Variants in ARHGEF18 observed in about 807,000 individuals in gnomAD.
The protein encoded by ARHGEF18 is Rho/Rac guanine nucleotide exchange factor 18.
A neutral mutation model predicts 155.7 loss-of-function variants in ARHGEF18; 93 were observed. That is an observed-to-expected ratio of 0.60 (90% CI 0.50 to 0.71). The LOEUF is 0.71. Among genes scored for constraint, ARHGEF18 ranks in the 30% least tolerant of loss-of-function variants. The pLI is 0.00. For synonymous variants in ARHGEF18, 742 were observed against 753.1 expected, an observed-to-expected ratio of 0.99 and a Z score of 0.24; for missense variants, 1,593 against 1,816.1, an observed-to-expected ratio of 0.88 and a Z score of 2.23.
At chr19:7,477,853 C>T in the ARHGEF18 span, among the ~76,000 whole-genome samples, 1 of 152,100 alleles carries the variant, frequency 6.6e-6, no homozygotes. Context: ...CCCATCTCCA[C>T]CAAAAAATAA....
At chr19:7,402,696 G>A (rs989503571) in intron 10 of ARHGEF18, among the ~76,000 whole-genome samples, 17 of 152,252 alleles carry the variant, frequency 1.1e-4, no homozygotes, top group African/African-American at 4.1e-4. Flanking sequence ...GGACCAGCTT[G>A]CCCCGTAAGT....
At chr19:7,396,487 G>T (rs1275929252) in intron 10 of ARHGEF18, among the ~76,000 whole-genome samples, 2 of 152,162 alleles carry the variant, frequency 1.3e-5, no homozygotes, top group African/African-American at 2.4e-5. Context: ...GGAGGCCAAG[G>T]TGGGTGGATC....
At chr19:7,474,754 A>AGTGAGTGTGTGTGTGTGT (rs796866599), downstream of ARHGEF18, among the ~76,000 whole-genome samples, 122 of 142,036 alleles carry the variant, frequency 8.6e-4, no homozygotes, top group African/African-American at 3.3e-3. Flanking sequence ...TGGGCATTGG[A>AGTGAGTGTGTGTGTGTGT]GTGTGTGTGT....
rs144388403 is a variant in ARHGEF18, at chr19:7,358,271, TTCCA to T, written c.-110-4489_-110-4486del. On this transcript the variant is annotated intron_variant, in intron 1 of 28. Transcript: ENST00000668164. Reference sequence around the variant, plus strand: ...CATCCACCCATTCTTCCATCCATTCTTCCATCCATCCATCCATCCATCCACTCTT... The same window carrying T: ...CATCCACCCATTCTTCCATCCATTCTTCCATCCATCCATCCATCCACTCTT... Among the ~76,000 whole-genome samples, 791 of 133,444 alleles carry T rather than the reference TTCCA, an allele frequency of 5.9e-3. 5 individuals are homozygous for T. Among genetic ancestry groups the T allele is most frequent in the Non-Finnish European group, 9.8e-3 (613 of 62,510 alleles). The allele number at this position is 133,444 out of a possible 152,430, so 87.5% of individuals were successfully genotyped here.
chr19:7,430,893 T>C (rs1973920511), intron 10 of ARHGEF18, among the ~76,000 whole-genome samples: 1 of 152,080 alleles, frequency 6.6e-6, no homozygotes, highest in South Asian at 2.1e-4. Context: ...CTAAATGTTA[T>C]ACTTCATAAC....
At chr19:7,393,360 T>C (rs960242268) in intron 10 of ARHGEF18, among the ~76,000 whole-genome samples, 1 of 152,162 alleles carries the variant, frequency 6.6e-6, no homozygotes, top group Non-Finnish European at 1.5e-5. Context: ...TTTGAAGTGA[T>C]TGGGTTTGGG....
chr19:7,408,035 T>C (rs1318686053), intron 10 of ARHGEF18, among the ~76,000 whole-genome samples: 3 of 149,356 alleles, frequency 2.0e-5, no homozygotes, highest in Non-Finnish European at 4.4e-5. Context: ...TCTCAGCATT[T>C]CAGGAGGCAG....
chr19:7,397,834 G>T (rs1971810410), intron 10 of ARHGEF18, among the ~76,000 whole-genome samples: 2 of 151,988 alleles, frequency 1.3e-5, no homozygotes, highest in South Asian at 4.1e-4. Context: ...CTCCCAAAGT[G>T]CTAGGATTAC....
At chr19:7,427,439 G>A (rs1359191458) in intron 10 of ARHGEF18, among the ~76,000 whole-genome samples, 2 of 150,450 alleles carry the variant, frequency 1.3e-5, no homozygotes, top group Non-Finnish European at 3.0e-5. Context: ...GCAGGAAGGA[G>A]TTCAAGATCT....
intron 2 of ARHGEF18, among the ~76,000 whole-genome samples, chr19:7,365,954 A>AT (rs543642585): frequency 1.7e-4 from 26 of 150,862 alleles, no homozygotes; most frequent in African/African-American, 3.6e-4. Flanking sequence ...ACACATATGT[A>AT]TTTTTTTTTG....
At chr19:7,409,063 T>C (rs998783057) in intron 10 of ARHGEF18, among the ~76,000 whole-genome samples, 32 of 146,656 alleles carry the variant, frequency 2.2e-4, no homozygotes, top group African/African-American at 5.1e-4. Flanking sequence ...GTTTCTTTTT[T>C]TTTTTTTTTT....
downstream of ARHGEF18, among the ~76,000 whole-genome samples, chr19:7,473,932 A>G (rs536219018): frequency 4.6e-5 from 7 of 151,636 alleles, no homozygotes; most frequent in Non-Finnish European, 1.0e-4. Flanking sequence ...GCAGTGAGCT[A>G]TGATCGTGCC....
intron 15 of ARHGEF18, among the ~76,000 whole-genome samples, chr19:7,449,638 T>C (rs1975232646): frequency 2.0e-5 from 3 of 152,040 alleles, no homozygotes; most frequent in African/African-American, 7.3e-5. Context: ...GTGGACAGCT[T>C]GACAGATGAT....
At chr19:7,478,168 C>T in the ARHGEF18 span, 13 of 817,650 alleles carry the variant, frequency 1.6e-5, no homozygotes, top group African/African-American at 6.8e-5. Flanking sequence ...TAAAAGGTAC[C>T]GCCACCCACC....
rs1976748339 is a variant in ARHGEF18, at chr19:7,467,730, T to G, written c.3480+46T>G. On this transcript the variant is annotated intron_variant, in intron 26 of 28. Coordinates refer to ENST00000668164, the MANE Select transcript of ARHGEF18 (RefSeq NM_001367823.1). Reference sequence around the variant, plus strand: ...GTGCGCAGGTTGGGGGTGACCGGTTTGCACGTGCATTTGCACGAGTGCATG... The same window carrying G: ...GTGCGCAGGTTGGGGGTGACCGGTTGGCACGTGCATTTGCACGAGTGCATG... The G allele has an allele frequency of 2.1e-6, 3 of 1,416,114 alleles. No homozygotes were observed. The East Asian group carries it at 8.7e-5, about 41-fold the overall frequency. The allele number at this position is 1,416,114 out of a possible 1,614,324, so 87.7% of individuals were successfully genotyped here.
chr19:7,389,042 G>A (rs1390131157), intron 10 of ARHGEF18, among the ~76,000 whole-genome samples: 1 of 151,878 alleles, frequency 6.6e-6, no homozygotes, highest in Non-Finnish European at 1.5e-5. Flanking sequence ...CTGGAGTGCG[G>A]TGGCACGATC....
Position 7,444,268 on chromosome 19 carries a change from G to A in ARHGEF18, c.1425G>A (p.Arg475=). The A allele has an allele frequency of 3.1e-6, 5 of 1,613,652 alleles. No homozygotes were observed. The highest frequency in any genetic ancestry group is 3.4e-6 in the Non-Finnish European group (4 of 1,180,030). The stretch of plus-strand genomic sequence containing the variant: ...AGATCATGCTGAAGGTGTACTCCAG[G>A]GCCCTGCAGGAGGAGCTGCAGTTCA... ...TLKIMLKVYS[R]ALQEELQFSS... is the part of the protein sequence containing the mutation. The change falls in exon 14 of 29, where the codon AGG becomes AGA. Residue 475 remains arginine (R), a synonymous_variant. Coordinates refer to ENST00000668164, the MANE Select transcript of ARHGEF18 (RefSeq NM_001367823.1). This position sits in a 1 kb window ranked among gnomAD's most constrained non-coding sequence, Gnocchi z 4.7.
intron 10 of ARHGEF18, among the ~76,000 whole-genome samples, chr19:7,416,126 G>A (rs923448542): frequency 2.6e-5 from 4 of 152,180 alleles, no homozygotes; most frequent in Non-Finnish European, 5.9e-5. Flanking sequence ...AGCTGGGCGA[G>A]GAGGCTCATG....
chr19:7,401,544 T>G (rs1972020204), intron 10 of ARHGEF18, among the ~76,000 whole-genome samples: 1 of 152,212 alleles, frequency 6.6e-6, no homozygotes, highest in Middle Eastern at 3.4e-3. Context: ...CTGCCTTGGC[T>G]TCCCAAAGTG....
Sources: allele counts gnomAD v4.1 joint callset (sites outside exome capture counted in the v4.1 genomes callset), GRCh38; gene constraint gnomAD v4.1.1; non-coding constraint Gnocchi (gnomAD v3.1); transcripts MANE v1.5; gene names NCBI Gene and HGNC (gene_info 2026-07-23, HGNC 2026-07-21).